Variants in AFF3 observed in about 807,000 individuals in gnomAD.
The protein encoded by AFF3 is AF4/FMR2 family member 3.
A neutral mutation model predicts 129.7 loss-of-function variants in AFF3; 32 were observed. The ratio of observed to expected loss-of-function variants is 0.25; its 90% CI spans 0.19 to 0.33. AFF3 has a LOEUF of 0.33. Among genes scored for constraint, AFF3 ranks in the 10% least tolerant of loss-of-function variants. The pLI is 1.00. For missense variants in AFF3, 1,373 were observed against 1,592.0 expected (o/e 0.86, Z 2.34); for synonymous variants, 644 against 635.4 (o/e 1.01, Z -0.20).
intron 15 of AFF3, among the ~76,000 whole-genome samples, chr2:99,588,703 T>C (rs890621316): frequency 6.6e-6 from 1 of 152,086 alleles, no homozygotes; most frequent in Non-Finnish European, 1.5e-5. Flanking sequence ...CACACTGTAA[T>C]AGTACCCCCA....
chr2:99,687,133 T>C (rs1324341450), intron 11 of AFF3, among the ~76,000 whole-genome samples: 1 of 152,174 alleles, frequency 6.6e-6, no homozygotes, highest in African/African-American at 2.4e-5. Flanking sequence ...GTATGTAACA[T>C]TAAACTCAGA....
chr2:99,623,469 A>G (rs868335999), intron 13 of AFF3, among the ~76,000 whole-genome samples: 1 of 152,266 alleles, frequency 6.6e-6, no homozygotes, highest in Middle Eastern at 3.4e-3. Context: ...TCGCCCTGCA[A>G]TTTAGCATGT....
chr2:99,685,571 GT>G (rs1229714958), intron 11 of AFF3, among the ~76,000 whole-genome samples: 1 of 152,188 alleles, frequency 6.6e-6, no homozygotes, highest in Non-Finnish European at 1.5e-5. Flanking sequence ...TATATTTCGA[GT>G]TTATATAAAA....
At chr2:99,589,806 G>A (rs1678489824) in intron 15 of AFF3, among the ~76,000 whole-genome samples, 1 of 152,170 alleles carries the variant, frequency 6.6e-6, no homozygotes, top group African/African-American at 2.4e-5. Flanking sequence ...TCTGGGTCTA[G>A]CGCAAAATGA....
intron 7 of AFF3, among the ~76,000 whole-genome samples, chr2:99,888,097 C>G (rs543297039): frequency 8.5e-5 from 13 of 152,174 alleles, no homozygotes; most frequent in African/African-American, 1.9e-4. Context: ...AGAAATGAGC[C>G]TAATAGTCAC....
intron 7 of AFF3, among the ~76,000 whole-genome samples, chr2:99,915,219 C>T (rs1247790819): frequency 6.6e-6 from 1 of 151,922 alleles, no homozygotes; most frequent in Non-Finnish European, 1.5e-5. Flanking sequence ...TAAAACGTTA[C>T]ATATTATCAT....
intron 7 of AFF3, among the ~76,000 whole-genome samples, chr2:99,994,177 A>C (rs1220523772): frequency 6.6e-6 from 1 of 152,124 alleles, no homozygotes; most frequent in African/African-American, 2.4e-5. Context: ...AGAACACTCC[A>C]TGTTTCAGGA....
intron 1 of AFF3, among the ~76,000 whole-genome samples, chr2:100,133,864 C>T (rs922844118): frequency 9.2e-5 from 14 of 152,020 alleles, no homozygotes; most frequent in Admixed American, 2.0e-4. Flanking sequence ...ACCTGGGAGG[C>T]GGAGCTTGCA....
intron 4 of AFF3, among the ~76,000 whole-genome samples, chr2:100,080,261 T>G (rs1688940394): frequency 6.6e-6 from 1 of 152,192 alleles, no homozygotes; most frequent in African/African-American, 2.4e-5. Flanking sequence ...CATTAGGTTA[T>G]TATGAGGACT....
At chr2:99,602,275 C>T (rs996630354) in intron 13 of AFF3, among the ~76,000 whole-genome samples, 1 of 152,182 alleles carries the variant, frequency 6.6e-6, no homozygotes, top group Non-Finnish European at 1.5e-5. Context: ...GAGCCCTTTC[C>T]TAGAGAACTG....
intron 4 of AFF3, among the ~76,000 whole-genome samples, chr2:100,019,158 G>A (rs1005404394): frequency 6.6e-5 from 10 of 152,042 alleles, no homozygotes; most frequent in Non-Finnish European, 1.5e-5. Flanking sequence ...TCAGTCTCAC[G>A]GACCCAGAAA....
At chr2:100,023,528 AAGAGGG>A (rs1354527091) in intron 4 of AFF3, among the ~76,000 whole-genome samples, 1 of 152,204 alleles carries the variant, frequency 6.6e-6, no homozygotes, top group Admixed American at 6.5e-5. Flanking sequence ...AGAATTACAG[AAGAGGG>A]AGAAACAGCA....
At chr2:99,609,403 C>T (rs1015006710) in intron 13 of AFF3, among the ~76,000 whole-genome samples, 4 of 152,060 alleles carry the variant, frequency 2.6e-5, no homozygotes, top group Admixed American at 2.6e-4. Context: ...CCCCCAAATC[C>T]CCAAAGTCCA....
At chr2:99,694,217 T>G (rs1675961951) in intron 11 of AFF3, among the ~76,000 whole-genome samples, 1 of 151,776 alleles carries the variant, frequency 6.6e-6, no homozygotes, top group Non-Finnish European at 1.5e-5. Context: ...AATCCTTTGT[T>G]AGAACTTTCT....
intron 11 of AFF3, among the ~76,000 whole-genome samples, chr2:99,724,271 C>CTTTCTTTTTTTTTTTTTTTTTTT (rs1411290883): frequency 1.5e-5 from 1 of 66,862 alleles, no homozygotes; most frequent in Non-Finnish European, 2.5e-5. Context: ...AATGACCTTT[C>CTTTCTTTTTTTTTTTTTTTTTTT]TTTTTTTTTT....
At position 99,548,315 on chromosome 2, in the gene AFF3, A is replaced by T. The variant is rs1674172904; in HGVS notation, c.*3159T>A. 1 of 201,694 alleles carries T rather than the reference A, an allele frequency of 5.0e-6. No homozygotes were observed. The highest frequency in any genetic ancestry group is 1.9e-4 in the South Asian group (1 of 5,276). 12.5% of individuals were successfully genotyped at this position (201,694 alleles called of 1,614,324 possible). On this transcript the variant is annotated 3_prime_UTR_variant, in exon 25 of 25. Transcript: ENST00000672756. ...CTGGAAGGATATACATCAAACTGTG[A>T]GCAGTGGTTGTCTCAGGCAGAAGGG...
At chr2:99,766,614 T>C (rs1462592657) in intron 8 of AFF3, among the ~76,000 whole-genome samples, 1 of 152,158 alleles carries the variant, frequency 6.6e-6, no homozygotes, top group African/African-American at 2.4e-5. Flanking sequence ...AAGGAAAATA[T>C]TAAAACATTC....
Position 100,007,466 on chromosome 2 carries a change from G to GA in AFF3, c.175-7dup, listed in dbSNP as rs1169168329. 1.2e-5 allele frequency: 20 copies of GA among 1,607,700 alleles called. No individual in the cohort carries two copies. Among genetic ancestry groups the GA allele is most frequent in the Non-Finnish European group, 1.6e-5 (19 of 1,176,772 alleles). ...AGTTCATCCCCCTTGTTAGTCTGGA[G>GA]AAAGAAAAACACATCCACGCTATTG... On this transcript the variant is annotated splice_region_variant and splice_polypyrimidine_tract_variant and intron_variant, in intron 5 of 24. Transcript: ENST00000672756.
At chr2:100,122,487 G>A (rs113308985) in intron 2 of AFF3, among the ~76,000 whole-genome samples, 17 of 152,326 alleles carry the variant, frequency 1.1e-4, no homozygotes, top group African/African-American at 3.8e-4. Flanking sequence ...CATCACTCAA[G>A]GATGTGCAGG....
Sources: allele counts gnomAD v4.1 joint callset (sites outside exome capture counted in the v4.1 genomes callset), GRCh38; gene constraint gnomAD v4.1.1; transcripts MANE v1.5; gene names NCBI Gene and HGNC (gene_info 2026-07-23, HGNC 2026-07-21).